The following CSMD1 variants were observed in gnomAD, a reference collection of about 807,000 sequenced individuals.
CSMD1 encodes the protein CUB and Sushi multiple domains 1.
CSMD1 carries 213 observed loss-of-function variants against 417.5 expected under a neutral mutation model. The observed-to-expected ratio is 0.51, with a 90% confidence interval of 0.46 to 0.57. The LOEUF is 0.57. CSMD1 is among the 20% of genes least tolerant of loss of function. The pLI is 0.00. For synonymous variants in CSMD1, 2,862 were observed against 1,736.8 expected (o/e 1.65, Z -16.11); for missense variants, 6,923 against 4,529.7 (o/e 1.53, Z -15.17).
chr8:3,357,199 C>G (rs1227866881), intron 21 of CSMD1, among the ~76,000 whole-genome samples: 2 of 152,176 alleles, frequency 1.3e-5, no homozygotes, highest in African/African-American at 4.8e-5. Context: ...CAGGAAACTG[C>G]AGGCAAAATG....
intron 69 of CSMD1, among the ~76,000 whole-genome samples, chr8:2,941,653 T>G (rs568042875): frequency 6.6e-6 from 1 of 152,226 alleles, no homozygotes; most frequent in Non-Finnish European, 1.5e-5. Context: ...TGTCCCCAAG[T>G]TTTGACATTT....
At chr8:3,559,631 G>C (rs1396762725) in intron 10 of CSMD1, among the ~76,000 whole-genome samples, 3 of 152,112 alleles carry the variant, frequency 2.0e-5, no homozygotes, top group Non-Finnish European at 4.4e-5. Context: ...TGATTATCTT[G>C]AGATTAAAGC....
intron 8 of CSMD1, among the ~76,000 whole-genome samples, chr8:3,595,279 T>C (rs1014009241): frequency 6.6e-6 from 1 of 152,208 alleles, no homozygotes; most frequent in Admixed American, 6.5e-5. Flanking sequence ...TTGTGTGACT[T>C]GCTCAGCATT....
At chr8:4,852,996 C>T (rs1801573716) in intron 1 of CSMD1, among the ~76,000 whole-genome samples, 1 of 152,148 alleles carries the variant, frequency 6.6e-6, no homozygotes, top group Non-Finnish European at 1.5e-5. Flanking sequence ...ACAGTCTACA[C>T]TCAGATGCAG....
intron 5 of CSMD1, among the ~76,000 whole-genome samples, chr8:3,918,229 G>A (rs997864047): frequency 2.0e-5 from 3 of 151,906 alleles, no homozygotes; most frequent in African/African-American, 7.3e-5. Context: ...GGGATTGCTG[G>A]GTCATATGGT....
rs761974183 is a variant in CSMD1, at chr8:3,091,612, C to T, written c.7189G>A (p.Glu2397Lys). 1 of 1,611,448 alleles carries T rather than the reference C, an allele frequency of 6.2e-7. No individual in the cohort carries two copies. The highest frequency in any genetic ancestry group is 1.7e-5 in the Admixed American group (1 of 59,202). Residue 2397 changes from glutamate (E) to lysine (K), a missense_variant, in exon 48 of 70, where the codon GAA (glutamate) becomes AAA (lysine). Transcript: ENST00000635120. ...LLVVLSGNHT[E>K]QSNFTSRSNQ... ...CTCCTGCTTGTAAAATTTGATTGTT[C>T]AGTATGATTCCCACTTAAGACTACT... is the stretch of plus-strand genomic sequence containing the variant.
At chr8:4,270,937 A>G in intron 3 of CSMD1, among the ~76,000 whole-genome samples, 1 of 152,082 alleles carries the variant, frequency 6.6e-6, no homozygotes, top group East Asian at 1.9e-4. Context: ...AGACACCCCT[A>G]GAGAGAGAGG....
chr8:4,088,302 T>C (rs1800528007), intron 3 of CSMD1, among the ~76,000 whole-genome samples: 1 of 152,224 alleles, frequency 6.6e-6, no homozygotes, highest in African/African-American at 2.4e-5. Flanking sequence ...GAATACAGCC[T>C]GCAAAGCTAG....
intron 12 of CSMD1, among the ~76,000 whole-genome samples, chr8:3,431,122 A>G (rs1429497105): frequency 6.6e-6 from 1 of 152,176 alleles, no homozygotes; most frequent in Non-Finnish European, 1.5e-5. Context: ...GAGAAAATGA[A>G]TATGGTTAAA....
chr8:4,268,751 T>A (rs1205904438), intron 3 of CSMD1, among the ~76,000 whole-genome samples: 1 of 148,078 alleles, frequency 6.8e-6, no homozygotes, highest in Non-Finnish European at 1.5e-5. Flanking sequence ...ATTAAATTGC[T>A]AAAAAAAAAA....
intron 51 of CSMD1, among the ~76,000 whole-genome samples, chr8:3,019,285 A>G (rs1272765864): frequency 2.0e-5 from 3 of 152,196 alleles, no homozygotes; most frequent in African/African-American, 7.2e-5. Flanking sequence ...AATACACAGT[A>G]TACAAAGTAT....
chr8:4,634,010 AC>A (rs1439575122), intron 2 of CSMD1, among the ~76,000 whole-genome samples: 15 of 151,084 alleles, frequency 9.9e-5, no homozygotes, highest in African/African-American at 3.2e-4. Flanking sequence ...AAAAAAAAAA[AC>A]AATGAAGAGA....
chr8:3,806,963 C>G (rs1800774209), intron 5 of CSMD1, among the ~76,000 whole-genome samples: 1 of 152,092 alleles, frequency 6.6e-6, no homozygotes, highest in Non-Finnish European at 1.5e-5. Flanking sequence ...ACTGCTTAAT[C>G]TGATGATTTA....
At chr8:3,286,479 C>G (rs1440763878) in intron 25 of CSMD1, among the ~76,000 whole-genome samples, 1 of 152,148 alleles carries the variant, frequency 6.6e-6, no homozygotes, top group Admixed American at 6.6e-5. Context: ...CACATCCTCT[C>G]CAGCACCTGT....
intron 3 of CSMD1, among the ~76,000 whole-genome samples, chr8:4,331,682 T>G (rs1239769615): frequency 6.6e-6 from 1 of 152,124 alleles, no homozygotes; most frequent in African/African-American, 2.4e-5. Flanking sequence ...GAGGCCCCAG[T>G]TAGGTCATTT....
intron 3 of CSMD1, among the ~76,000 whole-genome samples, chr8:4,266,392 A>G (rs1204253531): frequency 9.5e-6 from 1 of 105,524 alleles, no homozygotes; most frequent in African/African-American, 2.6e-5. Flanking sequence ...AAATATTAAT[A>G]TAGTTCATTT....
chr8:3,628,266 GAAAAACAAT>G, intron 7 of CSMD1, among the ~76,000 whole-genome samples: 1 of 152,016 alleles, frequency 6.6e-6, no homozygotes, highest in Non-Finnish European at 1.5e-5. Context: ...TCTTTAAAGA[GAAAAACAAT>G]CACAAAAGCC....
chr8:3,863,262 T>G (rs994261593), intron 5 of CSMD1, among the ~76,000 whole-genome samples: 2 of 152,094 alleles, frequency 1.3e-5, no homozygotes, highest in Non-Finnish European at 2.9e-5. Context: ...CTAGGTCTGG[T>G]GGCAGGCACC....
At chr8:3,880,741 A>G (rs1307769336) in intron 5 of CSMD1, among the ~76,000 whole-genome samples, 1 of 152,220 alleles carries the variant, frequency 6.6e-6, no homozygotes, top group African/African-American at 2.4e-5. Flanking sequence ...TTAAAATTAT[A>G]TTATACAGCT....
Sources: allele counts gnomAD v4.1 joint callset (sites outside exome capture counted in the v4.1 genomes callset), GRCh38; gene constraint gnomAD v4.1.1; transcripts MANE v1.5; gene names NCBI Gene and HGNC (gene_info 2026-07-23, HGNC 2026-07-21).